Variants in CPEB3 observed in about 807,000 individuals in gnomAD.
CPEB3 encodes cytoplasmic polyadenylation element binding protein 3.
Under a neutral mutation model 67.2 loss-of-function variants are expected in CPEB3, and 20 were observed. The ratio of observed to expected loss-of-function variants is 0.30; its 90% CI spans 0.21 to 0.43. The LOEUF (loss-of-function observed/expected upper bound fraction) is 0.43, where lower values mean the gene tolerates loss of function less well. Among genes scored for constraint, CPEB3 ranks in the 20% least tolerant of loss-of-function variants. CPEB3 has a pLI of 1.00. For synonymous variants in CPEB3, 376 were observed against 393.1 expected, an observed-to-expected ratio of 0.96 and a Z score of 0.51; for missense variants, 746 against 968.6, an observed-to-expected ratio of 0.77 and a Z score of 3.05.
chr10:92,248,186 T>G (rs1022358585), intron 1 of CPEB3, among the ~76,000 whole-genome samples: 1 of 152,174 alleles, frequency 6.6e-6, no homozygotes, highest in African/African-American at 2.4e-5. Flanking sequence ...CCTATGCACA[T>G]CCTCCTGTAT....
intron 4 of CPEB3, among the ~76,000 whole-genome samples, chr10:92,155,453 T>C (rs987863424): frequency 3.9e-5 from 6 of 152,202 alleles, no homozygotes; most frequent in African/African-American, 1.4e-4. Context: ...CTATGCAGAG[T>C]TGGCTCAAAT....
chr10:92,068,002 G>C (rs527952401), intron 9 of CPEB3, among the ~76,000 whole-genome samples: 2 of 152,082 alleles, frequency 1.3e-5, no homozygotes, highest in Non-Finnish European at 2.9e-5. Flanking sequence ...CCTTACAAAG[G>C]ATGAGACTTA....
At chr10:92,182,900 T>C (rs989915663) in intron 3 of CPEB3, among the ~76,000 whole-genome samples, 1 of 151,542 alleles carries the variant, frequency 6.6e-6, no homozygotes, top group African/African-American at 2.4e-5. Context: ...TTGGTGTGTA[T>C]GTATGTATTG....
intron 4 of CPEB3, among the ~76,000 whole-genome samples, chr10:92,169,588 C>G (rs1040902014): frequency 6.6e-6 from 1 of 152,222 alleles, no homozygotes; most frequent in African/African-American, 2.4e-5. Flanking sequence ...CCTTCTCCCA[C>G]AGTGGCACTT....
At chr10:92,187,754 C>T (rs1848759645) in intron 3 of CPEB3, among the ~76,000 whole-genome samples, 8 of 152,132 alleles carry the variant, frequency 5.3e-5, no homozygotes, top group Admixed American at 5.2e-4. Flanking sequence ...TCTCTTACCC[C>T]ACCTCTCTCA....
intron 6 of CPEB3, among the ~76,000 whole-genome samples, chr10:92,113,689 C>T (rs543845629): frequency 6.2e-4 from 94 of 152,322 alleles, no homozygotes; most frequent in South Asian, 3.5e-3. Flanking sequence ...ACTGCCCACC[C>T]TCTGCAATCT....
chr10:92,154,068 T>C (rs1847092428), intron 4 of CPEB3, among the ~76,000 whole-genome samples: 2 of 152,226 alleles, frequency 1.3e-5, no homozygotes, highest in Non-Finnish European at 2.9e-5. Context: ...TGGACAATAG[T>C]TTCATGGAGA....
At chr10:92,065,331 G>A (rs556637040) in intron 9 of CPEB3, among the ~76,000 whole-genome samples, 3 of 152,220 alleles carry the variant, frequency 2.0e-5, no homozygotes, top group Admixed American at 6.5e-5. Context: ...AGTGATTCTC[G>A]TGCATCAGCC....
At chr10:92,159,867 A>G (rs1359936871) in intron 4 of CPEB3, among the ~76,000 whole-genome samples, 1 of 151,954 alleles carries the variant, frequency 6.6e-6, no homozygotes, top group Non-Finnish European at 1.5e-5. Context: ...CTACTCAAAT[A>G]TTAGAAAGGA....
rs1169731981 is a variant in CPEB3, at chr10:92,240,279, C to T, written c.72G>A (p.Gln24=). 1.3e-6 allele frequency: 2 copies of T among 1,517,386 alleles called. No homozygotes were observed. The highest frequency in any genetic ancestry group is 2.5e-5 in the South Asian group (2 of 78,530). 94.0% of individuals were successfully genotyped at this position (1,517,386 alleles called of 1,614,324 possible). ...ATACGCTGGACTCAGGTTGGGGCTG[C>T]TGCTGCTGCCGCTGCTGCTGCTGGG... The part of the protein sequence containing the change: ...PQPQQQQRQQ[Q]QPQPESSVSE... The change falls in exon 2 of 10, where the codon CAG becomes CAA. Residue 24 remains glutamine, a synonymous_variant. Transcript: ENST00000265997.
chr10:92,222,114 G>A (rs879709901), intron 2 of CPEB3, among the ~76,000 whole-genome samples: 7 of 151,578 alleles, frequency 4.6e-5, no homozygotes, highest in Non-Finnish European at 8.8e-5. Flanking sequence ...CAACAGCCGT[G>A]ACCAATAAGA....
chr10:92,280,693 TATAA>T (rs1842245879), intron 1 of CPEB3, among the ~76,000 whole-genome samples: 1 of 136,696 alleles, frequency 7.3e-6, no homozygotes, highest in African/African-American at 2.7e-5. Context: ...AAAACACAAA[TATAA>T]ATAAATAAAT....
At chr10:92,125,722 G>T (rs1845582452) in intron 6 of CPEB3, among the ~76,000 whole-genome samples, 1 of 151,406 alleles carries the variant, frequency 6.6e-6, no homozygotes, top group Non-Finnish European at 1.5e-5. Flanking sequence ...AAAGGAAACA[G>T]ACTTTTTTTT....
At chr10:92,263,074 G>T (rs1221261396) in intron 1 of CPEB3, among the ~76,000 whole-genome samples, 1 of 152,032 alleles carries the variant, frequency 6.6e-6, no homozygotes, top group Non-Finnish European at 1.5e-5. Flanking sequence ...TCGGCCGAAA[G>T]CATTTTTTTG....
At chr10:92,120,445 G>C (rs1845304170) in intron 6 of CPEB3, among the ~76,000 whole-genome samples, 1 of 152,018 alleles carries the variant, frequency 6.6e-6, no homozygotes, top group Admixed American at 6.6e-5. Context: ...TTAGCTGGGT[G>C]TGGTGGCGGG....
chr10:92,239,551 T>C lies in CPEB3; in HGVS notation c.800A>G (p.Asp267Gly). 6.4e-7 allele frequency: 1 copy of C among 1,556,144 alleles called. No individual in the cohort carries two copies. Among genetic ancestry groups the C allele is most frequent in the Non-Finnish European group, 8.7e-7 (1 of 1,149,268 alleles). The part of the protein sequence containing the change: ...NPWGGLQAGR[D>G]PRRAVGVGVG... Reference sequence around the variant, plus strand: ...GCCCACACCGACCGCCCGGCGAGGGTCCCGGCCCGCCTGCAGGCCGCCCCA... The same window carrying C: ...GCCCACACCGACCGCCCGGCGAGGGCCCCGGCCCGCCTGCAGGCCGCCCCA... The change falls in exon 2 of 10, where the codon GAC (aspartate) becomes GGC (glycine). Residue 267 changes from aspartate to glycine, a missense_variant. Transcript: ENST00000265997. This position sits in a 1 kb window ranked among gnomAD's most constrained non-coding sequence, Gnocchi z 6.0.
intron 6 of CPEB3, among the ~76,000 whole-genome samples, chr10:92,141,302 T>C (rs2133816895): frequency 6.6e-6 from 1 of 151,550 alleles, no homozygotes; most frequent in Admixed American, 6.6e-5. Flanking sequence ...TATGCAGCCA[T>C]AAAAAAGGAT....
At chr10:92,169,719 C>T (rs1257190125) in intron 4 of CPEB3, among the ~76,000 whole-genome samples, 1 of 152,176 alleles carries the variant, frequency 6.6e-6, no homozygotes, top group Non-Finnish European at 1.5e-5. Context: ...TCCTGTTGTT[C>T]TTACCCACAG....
At chr10:92,062,772 T>A (rs150177381) in intron 9 of CPEB3, among the ~76,000 whole-genome samples, 6 of 152,380 alleles carry the variant, frequency 3.9e-5, no homozygotes, top group African/African-American at 7.2e-5. Context: ...CATTAACCTA[T>A]GATACTTTGG....
Sources: gnomAD v4.1 joint callset for allele counts (sites outside exome capture counted in the v4.1 genomes callset) on GRCh38, gnomAD v4.1.1 for gene constraint, Gnocchi (gnomAD v3.1) non-coding constraint, MANE v1.5 for transcripts, NCBI Gene and HGNC (gene_info 2026-07-23, HGNC 2026-07-21) for gene names.